Variants in NAV2 observed in about 807,000 individuals in gnomAD.
The protein encoded by NAV2 is neuron navigator 2.
In NAV2, 54 loss-of-function variants were observed where a neutral mutation model predicts 223.2. The observed-to-expected ratio is 0.24, with a 90% CI of 0.19 to 0.30. The LOEUF (loss-of-function observed/expected upper bound fraction) is 0.30. Among genes scored for constraint, NAV2 ranks in the 10% least tolerant of loss-of-function variants. NAV2 has a pLI of 1.00. For synonymous variants in NAV2, 1,279 were observed against 1,239.3 expected, an observed-to-expected ratio of 1.03 and a Z score of -0.67; for missense variants, 2,806 against 3,147.5, an observed-to-expected ratio of 0.89 and a Z score of 2.60.
intron 1 of NAV2, among the ~76,000 whole-genome samples, chr11:19,725,023 C>A (rs1002799815): frequency 6.6e-6 from 1 of 152,226 alleles, no homozygotes; most frequent in Non-Finnish European, 1.5e-5. Flanking sequence ...ATTGTGCAAG[C>A]TAAAGCAGTT....
chr11:19,466,467 C>T (rs773583973), intron 1 of NAV2, among the ~76,000 whole-genome samples: 64 of 152,218 alleles, frequency 4.2e-4, no homozygotes, highest in Non-Finnish European at 8.1e-4. Flanking sequence ...TGTGCAGGTG[C>T]CAAAGCCAGC....
chr11:19,832,178 C>T (rs2059984334), intron 1 of NAV2, among the ~76,000 whole-genome samples: 1 of 152,196 alleles, frequency 6.6e-6, no homozygotes, highest in Admixed American at 6.5e-5. Context: ...AAAGCTGCAG[C>T]CTCTCAAAGC....
rs532497193 is a variant in NAV2, at chr11:19,379,510, T to C, written c.75+28483T>C. Among the ~76,000 whole-genome samples the C allele has an allele frequency of 2.6e-5, 4 of 152,252 alleles. No homozygotes were observed. In the South Asian group the frequency reaches 8.3e-4, roughly 32 times the overall value. On this transcript the variant is annotated intron_variant, in intron 1 of 37. Coordinates refer to the NAV2 transcript ENST00000360655. The stretch of plus-strand genomic sequence containing the variant: ...TCTTCTGTCCATTTCCTAGTTATGT[T>C]CTGAAGCAGATACCTGAGTGGCCGT...
intron 1 of NAV2, among the ~76,000 whole-genome samples, chr11:19,355,743 G>A (rs1162104204): frequency 6.6e-6 from 1 of 152,130 alleles, no homozygotes; most frequent in Non-Finnish European, 1.5e-5. Flanking sequence ...GTAACTGTAT[G>A]ACATCTTACA....
At chr11:19,903,549 T>C (rs1187097481) in intron 6 of NAV2, among the ~76,000 whole-genome samples, 1 of 152,094 alleles carries the variant, frequency 6.6e-6, no homozygotes. Flanking sequence ...CTTTGCCTTT[T>C]TCAGAGTTGG....
At chr11:19,501,557 C>T (rs148127807) in intron 1 of NAV2, among the ~76,000 whole-genome samples, 1 of 152,114 alleles carries the variant, frequency 6.6e-6, no homozygotes, top group South Asian at 2.1e-4. Context: ...GAGGCAGAGT[C>T]GCCTTTGAGT....
rs756673862 is a variant in NAV2 at position 19,933,084 on chromosome 11, A to G, written c.932-92A>G. On this transcript the variant is annotated intron_variant, in intron 6 of 37. Coordinates refer to ENST00000349880, the MANE Select transcript of NAV2 (RefSeq NM_145117.5). The surrounding 1 kb of genome is among the most constrained non-coding windows in gnomAD (Gnocchi z 4.3). ...GGAGCTATACGGCATTTGGGTTGGG[A>G]GTGATTGGTTGTGTGGCCATGGCTG... is the stretch of plus-strand genomic sequence containing the variant. 1 of 1,412,212 alleles carries G rather than the reference A, an allele frequency of 7.1e-7. No individual in the cohort carries two copies. The highest frequency in any genetic ancestry group is 9.4e-7 in the Non-Finnish European group (1 of 1,066,066). The allele number at this position is 1,412,212 out of a possible 1,614,324, so 87.5% of individuals were successfully genotyped here.
At chr11:20,074,853 C>T (rs1346147079) in intron 22 of NAV2, among the ~76,000 whole-genome samples, 2 of 147,572 alleles carry the variant, frequency 1.4e-5, no homozygotes, top group Non-Finnish European at 3.0e-5. Flanking sequence ...TGAGATGGGT[C>T]TCCTGAATAC....
chr11:19,777,739 T>A (rs753931831), intron 1 of NAV2: 2 of 412,860 alleles, frequency 4.8e-6, no homozygotes, highest in Non-Finnish European at 9.9e-6. Flanking sequence ...TGTGAGTCAT[T>A]GAAGGGGGGT....
intron 10 of NAV2, among the ~76,000 whole-genome samples, chr11:19,960,481 TTG>T (rs1451702803): frequency 6.6e-6 from 1 of 152,192 alleles, no homozygotes; most frequent in Non-Finnish European, 1.5e-5. Flanking sequence ...TACCATTTTA[TTG>T]TCACTTTCCC....
chr11:19,355,102 C>T (rs964033070), intron 1 of NAV2, among the ~76,000 whole-genome samples: 14 of 152,114 alleles, frequency 9.2e-5, no homozygotes, highest in Non-Finnish European at 4.4e-5. Flanking sequence ...CATAGATTGG[C>T]GAAGTAAAAT....
intron 1 of NAV2, among the ~76,000 whole-genome samples, chr11:19,802,895 C>T (rs1336133726): frequency 1.3e-5 from 2 of 152,056 alleles, no homozygotes; most frequent in African/African-American, 4.8e-5. Context: ...AAGCCATTAA[C>T]CCTAACTAGG....
chr11:19,506,598 C>T (rs560531379), intron 1 of NAV2: 2 of 152,230 alleles, frequency 1.3e-5, no homozygotes, highest in South Asian at 2.1e-4. Context: ...GCACTCAATA[C>T]AGAGGAGCCA....
At chr11:19,505,392 G>A (rs2043092304) in intron 1 of NAV2, 1 of 152,234 alleles carries the variant, frequency 6.6e-6, no homozygotes, top group South Asian at 2.1e-4. Flanking sequence ...TAGAGCTGTA[G>A]ACACTGCATA....
At chr11:20,043,870 T>C in intron 12 of NAV2, 111 bp from the exon 13 acceptor site, 1 of 912,406 alleles carries the variant, frequency 1.1e-6, no homozygotes, top group Admixed American at 2.2e-5. Context: ...TTTAAAGTAA[T>C]GCTTATTTTT....
At chr11:20,097,952 T>C (rs962683761) in intron 31 of NAV2, among the ~76,000 whole-genome samples, 1 of 152,230 alleles carries the variant, frequency 6.6e-6, no homozygotes, top group African/African-American at 2.4e-5. Context: ...AGTTTATTGC[T>C]GCAATTATCT....
At chr11:19,963,045 G>A (rs2048464403) in intron 10 of NAV2, among the ~76,000 whole-genome samples, 1 of 152,174 alleles carries the variant, frequency 6.6e-6, no homozygotes, top group Non-Finnish European at 1.5e-5. Flanking sequence ...AAATAAATGT[G>A]GTGTTGGCTC....
intron 1 of NAV2, among the ~76,000 whole-genome samples, chr11:19,585,748 C>T (rs7952584): frequency 6.6e-6 from 1 of 152,218 alleles, no homozygotes; most frequent in Non-Finnish European, 1.5e-5. Context: ...CTAAGAGATC[C>T]GCTGTTAGTC....
At chr11:20,075,983 T>C (rs1564997376) in intron 22 of NAV2, among the ~76,000 whole-genome samples, 1 of 152,170 alleles carries the variant, frequency 6.6e-6, no homozygotes, top group Non-Finnish European at 1.5e-5. Context: ...CCTCTCATAG[T>C]TTCTCTTGTC....
Sources: allele counts gnomAD v4.1 joint callset (sites outside exome capture counted in the v4.1 genomes callset), GRCh38; gene constraint gnomAD v4.1.1; non-coding constraint Gnocchi (gnomAD v3.1); transcripts MANE v1.5; gene names NCBI Gene and HGNC (gene_info 2026-07-23, HGNC 2026-07-21).